THSD7B: variants seen among roughly 807,000 people sequenced by gnomAD.
THSD7B encodes thrombospondin type-1 domain-containing protein 7B.
THSD7B carries 138 observed loss-of-function variants against 213.6 expected under a neutral mutation model. The ratio of observed to expected loss-of-function variants is 0.65; its 90% CI spans 0.56 to 0.74. The LOEUF (loss-of-function observed/expected upper bound fraction) is 0.74, where lower values mean the gene tolerates loss of function less well. Among genes scored for constraint, THSD7B ranks in the 30% least tolerant of loss-of-function variants. The probability of loss-of-function intolerance (pLI) is 0.00; values close to 1 mark genes in which losing one functional copy is unlikely to be tolerated. For missense variants in THSD7B, 1,931 were observed against 1,991.5 expected, an observed-to-expected ratio of 0.97 and a Z score of 0.58; for synonymous variants, 742 against 687.0, an observed-to-expected ratio of 1.08 and a Z score of -1.25.
chr2:137,194,035 C>A (rs966722653), intron 7 of THSD7B, among the ~76,000 whole-genome samples: 1 of 152,100 alleles, frequency 6.6e-6, no homozygotes, highest in Non-Finnish European at 1.5e-5. Context: ...ATAGCCAAGG[C>A]CATACAGGCC....
At chr2:137,161,985 C>T (rs930601287) in intron 6 of THSD7B, among the ~76,000 whole-genome samples, 1 of 152,146 alleles carries the variant, frequency 6.6e-6, no homozygotes, top group Non-Finnish European at 1.5e-5. Flanking sequence ...GAAGTGCTGC[C>T]TTCATCTACT....
rs1256402625 is a variant in THSD7B, at chr2:137,524,521, G to C, written c.3139-38700G>C. On this transcript the variant is annotated intron_variant, in intron 15 of 27. Coordinates refer to ENST00000409968, the MANE Select transcript of THSD7B (RefSeq NM_001316349.2). Reference sequence around the variant, plus strand: ...ATCTGCATTTTTTTTATAGGTGATGGCTGCATCCTTGTTTATGTTTGCCAA... The same window carrying C: ...ATCTGCATTTTTTTTATAGGTGATGCCTGCATCCTTGTTTATGTTTGCCAA... Among the ~76,000 whole-genome samples the C allele has an allele frequency of 2.0e-5, 3 of 152,076 alleles. No homozygotes were observed. The East Asian group carries it at 5.8e-4, about 29-fold the overall frequency.
chr2:137,560,517 A>T (rs915692005), intron 15 of THSD7B, among the ~76,000 whole-genome samples: 8 of 152,086 alleles, frequency 5.3e-5, no homozygotes, highest in African/African-American at 1.4e-4. Context: ...AACAATGAGA[A>T]CACATGGACA....
At chr2:137,017,972 C>T (rs1182819886) in intron 2 of THSD7B, among the ~76,000 whole-genome samples, 1 of 150,644 alleles carries the variant, frequency 6.6e-6, no homozygotes, top group African/African-American at 2.4e-5. Flanking sequence ...GGGAAAGACA[C>T]CTTTGTCTTC....
chr2:137,362,586 T>G (rs1685292126), intron 12 of THSD7B, among the ~76,000 whole-genome samples: 1 of 151,972 alleles, frequency 6.6e-6, no homozygotes, highest in African/African-American at 2.4e-5. Flanking sequence ...GTTGCAATCC[T>G]CGTCTCTGAC....
chr2:137,100,948 G>GA lies in THSD7B; in HGVS notation c.1199+5828dup, dbSNP rs748137869. ...GGTTACTTCAAAAAAGGTGAGGAAT[G>GA]ATATCATAGTCTGAATTTGTCCAAG... is the stretch of plus-strand genomic sequence containing the variant. On this transcript the variant is annotated intron_variant, in intron 4 of 27. Coordinates refer to ENST00000409968, the MANE Select transcript of THSD7B (RefSeq NM_001316349.2). Among the ~76,000 whole-genome samples, 12 of 152,174 alleles carry GA rather than the reference G, an allele frequency of 7.9e-5. 1 individual carries two copies. The highest frequency in any genetic ancestry group is 2.1e-4 in the South Asian group (1 of 4,820).
intron 3 of THSD7B, among the ~76,000 whole-genome samples, chr2:137,065,014 C>T (rs1387561898): frequency 6.6e-6 from 1 of 151,604 alleles, no homozygotes; most frequent in Non-Finnish European, 1.5e-5. Context: ...TTTATGGTTC[C>T]ATATGAGTTT....
intron 12 of THSD7B, among the ~76,000 whole-genome samples, chr2:137,387,407 G>T (rs753135158): frequency 6.6e-6 from 1 of 152,152 alleles, no homozygotes; most frequent in Non-Finnish European, 1.5e-5. Context: ...ACCCAATAAT[G>T]AGATCCTTAT....
chr2:136,953,615 T>G (rs1273319721), intron 2 of THSD7B, among the ~76,000 whole-genome samples: 1 of 152,140 alleles, frequency 6.6e-6, no homozygotes, highest in Non-Finnish European at 1.5e-5. Context: ...AAATGGAGCA[T>G]CACAATGAGA....
chr2:137,646,681 T>TAATAATAATAATAATAATAATAATAAA (rs879335014), intron 21 of THSD7B, among the ~76,000 whole-genome samples: 2 of 148,152 alleles, frequency 1.3e-5, no homozygotes, highest in African/African-American at 2.5e-5. Flanking sequence ...ATAATAATAA[T>TAATAATAATAATAATAATAATAATAAA]AAACACTTCA....
At chr2:137,570,220 A>T (rs546708012) in intron 16 of THSD7B, among the ~76,000 whole-genome samples, 2 of 151,982 alleles carry the variant, frequency 1.3e-5, no homozygotes, top group East Asian at 3.9e-4. Context: ...TTAGCAACTC[A>T]TAAAGCTTGT....
At chr2:136,911,306 C>T (rs908324758) in intron 2 of THSD7B, among the ~76,000 whole-genome samples, 8 of 151,898 alleles carry the variant, frequency 5.3e-5, no homozygotes, top group Non-Finnish European at 4.4e-5. Context: ...TCTTTAAATG[C>T]CATTCATTAA....
rs558727514 is a variant in THSD7B, at chr2:137,011,386, T to A, written c.140-45034T>A. 2.6e-5 allele frequency among the ~76,000 whole-genome samples: 4 copies of A among 152,214 alleles called. No homozygotes were observed. The South Asian group carries it at 8.3e-4, about 32-fold the overall frequency. The stretch of plus-strand genomic sequence containing the variant: ...GTTTTAAGCTCTTCTTACAGGAGGG[T>A]TTCTGAAACTTAGCTGTTTTGACAT... On this transcript the variant is annotated intron_variant, in intron 2 of 27. Coordinates refer to ENST00000409968, the MANE Select transcript of THSD7B (RefSeq NM_001316349.2).
At chr2:136,796,434 A>G (rs1682064575) in intron 1 of THSD7B, among the ~76,000 whole-genome samples, 1 of 151,876 alleles carries the variant, frequency 6.6e-6, no homozygotes, top group Admixed American at 6.6e-5. Flanking sequence ...TTTTAACAGT[A>G]GCCTCTGCAG....
At chr2:136,957,678 GTAT>G (rs1356530970) in intron 2 of THSD7B, among the ~76,000 whole-genome samples, 1 of 152,066 alleles carries the variant, frequency 6.6e-6, no homozygotes, top group African/African-American at 2.4e-5. Context: ...ACTTCATGTA[GTAT>G]TATATTTTGT....
At chr2:137,438,188 A>G (rs74419254) in intron 14 of THSD7B, among the ~76,000 whole-genome samples, 5,645 of 152,256 alleles carry the variant, frequency 0.037, 147 homozygotes, top group Non-Finnish European at 0.052. Context: ...AGGTTCAATG[A>G]CAGGCACAAG....
chr2:137,177,545 G>A (rs1392032875), intron 7 of THSD7B, among the ~76,000 whole-genome samples: 1 of 152,126 alleles, frequency 6.6e-6, no homozygotes, highest in Non-Finnish European at 1.5e-5. Flanking sequence ...AAAAACACAT[G>A]TTTCCAGCCC....
chr2:137,496,312 C>G (rs1045782775), intron 15 of THSD7B, among the ~76,000 whole-genome samples: 1 of 152,198 alleles, frequency 6.6e-6, no homozygotes, highest in African/African-American at 2.4e-5. Context: ...CTACAGCTGG[C>G]CTTCTGATGA....
At chr2:136,960,582 GGT>G (rs1685199901) in intron 2 of THSD7B, among the ~76,000 whole-genome samples, 1 of 152,026 alleles carries the variant, frequency 6.6e-6, no homozygotes, top group Non-Finnish European at 1.5e-5. Context: ...TTTTGATATG[GGT>G]TACTTCAAAA....
Sources: allele counts gnomAD v4.1 joint callset (sites outside exome capture counted in the v4.1 genomes callset), GRCh38; gene constraint gnomAD v4.1.1; transcripts MANE v1.5; gene names NCBI Gene and HGNC (gene_info 2026-07-23, HGNC 2026-07-21).